Variants in ITM2C observed in about 807,000 individuals in gnomAD.
ITM2C encodes integral membrane protein 2C.
ITM2C carries 20 observed loss-of-function variants against 30.0 expected under a neutral mutation model. The observed-to-expected ratio is 0.67, with a 90% confidence interval of 0.47 to 0.97. The LOEUF (loss-of-function observed/expected upper bound fraction) is 0.97, where lower values mean the gene tolerates loss of function less well. Among genes scored for constraint, ITM2C ranks in the 50% least tolerant of loss-of-function variants. The pLI, the probability that ITM2C is intolerant of heterozygous loss-of-function variation, is 0.00. For missense variants in ITM2C, 366 were observed against 371.9 expected (o/e 0.98, Z 0.13); for synonymous variants, 167 against 156.4 (o/e 1.07, Z -0.51).
chr2:230,867,986 A>G (rs1561325), intron 1 of ITM2C, among the ~76,000 whole-genome samples: 59,642 of 152,054 alleles, frequency 0.39, 13,460 homozygotes, highest in East Asian at 0.84. Flanking sequence ...AGTGATCCGC[A>G]GGAGGAGCAC....
chr2:230,866,014 C>CGG (rs368266327), intron 1 of ITM2C, among the ~76,000 whole-genome samples: 2 of 152,092 alleles, frequency 1.3e-5, no homozygotes, highest in Admixed American at 6.5e-5. Flanking sequence ...TCCCTCTGGC[C>CGG]GGGGGGGAGA....
intron 1 of ITM2C, among the ~76,000 whole-genome samples, chr2:230,869,240 C>A (rs1697105064): frequency 6.6e-6 from 1 of 152,200 alleles, no homozygotes; most frequent in Non-Finnish European, 1.5e-5. Flanking sequence ...ATTCGCCTGG[C>A]CCAGCCAAGC....
intron 1 of ITM2C, among the ~76,000 whole-genome samples, chr2:230,869,469 G>A (rs1270446379): frequency 2.0e-5 from 3 of 151,978 alleles, no homozygotes; most frequent in Non-Finnish European, 4.4e-5. Flanking sequence ...TGGGTGCCCT[G>A]GCCTCTGTGG....
rs200829583 is a variant in ITM2C at position 230,873,468 on chromosome 2, G to A, written c.172G>A (p.Val58Met). ...RSKRGGSVGG[V>M]CYLSMGMVVL... Reference sequence around the variant, plus strand: ...CAAGAGGGGGGGCTCAGTGGGCGGCGTGTGCTACCTGTCGATGGGCATGGT... The same window carrying A: ...CAAGAGGGGGGGCTCAGTGGGCGGCATGTGCTACCTGTCGATGGGCATGGT... Residue 58 changes from valine (V) to methionine (M), a missense_variant, in exon 2 of 6, where the codon GTG (valine) becomes ATG (methionine). Coordinates refer to ENST00000326427, the MANE Select transcript of ITM2C (RefSeq NM_030926.6). The A allele has an allele frequency of 2.0e-5, 32 of 1,609,456 alleles. No individual in the cohort carries two copies. The highest frequency in any genetic ancestry group is 9.0e-5 in the East Asian group (4 of 44,450).
rs1349902934 is a variant in ITM2C at position 230,873,509 on chromosome 2, C to A, written c.213C>A (p.Gly71=). 2 of 1,611,088 alleles carry A rather than the reference C, an allele frequency of 1.2e-6. No homozygotes were observed. The highest frequency in any genetic ancestry group is 2.2e-5 in the South Asian group (2 of 90,372). Residue 71 remains glycine, a synonymous_variant, in exon 2 of 6, where the codon GGC becomes GGA. Coordinates refer to ENST00000326427, the MANE Select transcript of ITM2C (RefSeq NM_030926.6). ...LSMGMVVLLM[G]LVFASVYIYR... The stretch of plus-strand genomic sequence containing the variant: ...TGGGCATGGTCGTGCTGCTCATGGG[C>A]CTCGTGTTCGCCTCTGTCTACATCT...
At chr2:230,871,080 T>C (rs959411451) in intron 1 of ITM2C, among the ~76,000 whole-genome samples, 1 of 152,252 alleles carries the variant, frequency 6.6e-6, no homozygotes, top group Non-Finnish European at 1.5e-5. Context: ...TTAGGTTCTT[T>C]GTCTCGTTTA....
At chr2:230,867,503 T>C (rs1477282525) in intron 1 of ITM2C, among the ~76,000 whole-genome samples, 2 of 152,190 alleles carry the variant, frequency 1.3e-5, no homozygotes, top group Non-Finnish European at 2.9e-5. Context: ...AGGAGGCTGC[T>C]TTCTCAGGGC....
chr2:230,865,268 G>A lies in ITM2C; in HGVS notation c.120+123G>A. Reference sequence around the variant, plus strand: ...GCCCCAGAGCCCGGGGTGGAGCAGGGTTGGGAAGTCTCGAATGGTTGCTTA... The same window carrying A: ...GCCCCAGAGCCCGGGGTGGAGCAGGATTGGGAAGTCTCGAATGGTTGCTTA... On this transcript the variant is annotated intron_variant, in intron 1 of 5. Coordinates refer to ENST00000326427, the MANE Select transcript of ITM2C (RefSeq NM_030926.6). This position sits in a 1 kb window ranked among gnomAD's most constrained non-coding sequence, Gnocchi z 6.8. The A allele has an allele frequency of 9.3e-7, 1 of 1,070,280 alleles. No individual in the cohort carries two copies. Among genetic ancestry groups the A allele is most frequent in the Non-Finnish European group, 1.2e-6 (1 of 826,144 alleles). 66.3% of individuals were successfully genotyped at this position (1,070,280 alleles called of 1,614,324 possible).
chr2:230,865,083 A>T lies in ITM2C; in HGVS notation c.58A>T (p.Lys20Ter). Residue 20 changes from lysine (K) to a stop codon, truncating the protein, a stop_gained, in exon 1 of 6, where the codon AAG (lysine) becomes TAG (stop). Transcript: ENST00000326427. LOFTEE classifies it high-confidence loss of function. This position sits in a 1 kb window ranked among gnomAD's most constrained non-coding sequence, Gnocchi z 6.8. ...TGGCATCAAGGGCGACAAGGCTGACAAGGCGTCGGCGTCGGCCCCTGCGCC... is the reference window on the plus strand; with the variant it reads ...TGGCATCAAGGGCGACAAGGCTGACTAGGCGTCGGCGTCGGCCCCTGCGCC... ...VAGIKGDKAD[K>*]ASASAPAPAS... is the part of the protein sequence containing the mutation. The T allele has an allele frequency of 6.5e-7, 1 of 1,536,962 alleles. No individual in the cohort carries two copies.
chr2:230,864,743 A>G, upstream of ITM2C: 1 of 190,448 alleles, frequency 5.3e-6, no homozygotes. The surrounding 1 kb of genome is among the most constrained non-coding windows in gnomAD (Gnocchi z 4.3). Context: ...CGAGTGAGTG[A>G]CTGTGCGAGC....
chr2:230,867,811 A>G (rs1298200504), intron 1 of ITM2C, among the ~76,000 whole-genome samples: 5 of 152,080 alleles, frequency 3.3e-5, no homozygotes, highest in Non-Finnish European at 5.9e-5. Flanking sequence ...GGCACCTGCC[A>G]CCATGCCCGG....
chr2:230,878,712 G>C lies in ITM2C; in HGVS notation c.*613G>C, dbSNP rs541481234. On this transcript the variant is annotated 3_prime_UTR_variant, in exon 6 of 6. Coordinates refer to ENST00000326427, the MANE Select transcript of ITM2C (RefSeq NM_030926.6). The surrounding 1 kb of genome is among the most constrained non-coding windows in gnomAD (Gnocchi z 4.5). Reference sequence around the variant, plus strand: ...GCAGGAGCTTGGAGTTTGGGGAGTGGGGATGAGTCCGTCAAGCACAACTGT... The same window carrying C: ...GCAGGAGCTTGGAGTTTGGGGAGTGCGGATGAGTCCGTCAAGCACAACTGT... 2 of 152,880 alleles carry C rather than the reference G, an allele frequency of 1.3e-5. No homozygotes were observed. Among genetic ancestry groups the C allele is most frequent in the Non-Finnish European group, 2.9e-5 (2 of 68,294 alleles). The allele number at this position is 152,880 out of a possible 1,614,324, so 9.5% of individuals were successfully genotyped here. A position where few individuals can be genotyped will look rare whatever the true frequency, so the allele number is the denominator to read the frequency against.
At chr2:230,868,988 T>C (rs3111754) in intron 1 of ITM2C, among the ~76,000 whole-genome samples, 67,668 of 152,176 alleles carry the variant, frequency 0.44, 16,649 homozygotes, top group East Asian at 0.84. Context: ...CCCTCATTTC[T>C]GCTCTCTTCT....
intron 2 of ITM2C, among the ~76,000 whole-genome samples, 194 bp downstream of exon 2, chr2:230,873,751 A>C (rs6436977): frequency 0.49 from 74,791 of 152,092 alleles, 19,194 homozygotes; most frequent in East Asian, 0.83. Flanking sequence ...CCAGTCCCAC[A>C]TTTAGCCCCT....
At chr2:230,874,868 C>A (rs1697251999) in intron 2 of ITM2C, among the ~76,000 whole-genome samples, 1 of 152,214 alleles carries the variant, frequency 6.6e-6, no homozygotes, top group Non-Finnish European at 1.5e-5. Flanking sequence ...TGCCTGGCCT[C>A]CCTTACTGAT....
chr2:230,865,112 C>T lies in ITM2C; in HGVS notation c.87C>T (p.Ala29=), dbSNP rs1201815726. 1.3e-6 allele frequency: 2 copies of T among 1,506,238 alleles called. No homozygotes were observed. Among genetic ancestry groups the T allele is most frequent in the Non-Finnish European group, 8.9e-7 (1 of 1,122,054 alleles). The allele number at this position is 1,506,238 out of a possible 1,614,324, so 93.3% of individuals were successfully genotyped here. The change falls in exon 1 of 6, where the codon GCC becomes GCT. Residue 29 remains alanine (A), a synonymous_variant. Transcript: ENST00000326427. The surrounding 1 kb of genome is among the most constrained non-coding windows in gnomAD (Gnocchi z 6.8). ...CGTCGGCGTCGGCCCCTGCGCCGGC[C>T]TCGGCCACCGAGATCCTGCTGACGC... The part of the protein sequence containing the change: ...DKASASAPAP[A]SATEILLTPA...
chr2:230,871,904 G>A (rs1223187212), intron 1 of ITM2C, among the ~76,000 whole-genome samples: 11 of 152,372 alleles, frequency 7.2e-5, no homozygotes, highest in Non-Finnish European at 1.5e-4. Flanking sequence ...GGTGGGAGGT[G>A]AAACCTGAGG....
At position 230,878,093 on chromosome 2, in the gene ITM2C, G is replaced by T; in HGVS notation, c.798G>T (p.Val266=). 6.3e-7 allele frequency: 1 copy of T among 1,584,234 alleles called. No homozygotes were observed. The part of the protein sequence containing the change: ...TFVVETLICG[V]V ...TGGTGGAGACGCTCATCTGCGGGGT[G>T]GTGTGAGGCCCTCCTCCCCCAGAAC... The change falls in exon 6 of 6, where the codon GTG becomes GTT. Residue 266 remains valine (V), a synonymous_variant. Transcript: ENST00000326427. This position sits in a 1 kb window ranked among gnomAD's most constrained non-coding sequence, Gnocchi z 4.5.
rs764945587 is a variant in ITM2C, at chr2:230,877,400, A to T, written c.562A>T (p.Arg188Trp). 4 of 1,613,390 alleles carry T rather than the reference A, an allele frequency of 2.5e-6. No homozygotes were observed. The highest frequency in any genetic ancestry group is 3.4e-6 in the Non-Finnish European group (4 of 1,179,790). ...CTGTGGCGGCCACCTTGTTTTGCAGAGGGGGACCTACCTGCCGCAGACGTA... is the reference window on the plus strand; with the variant it reads ...CTGTGGCGGCCACCTTGTTTTGCAGTGGGGGACCTACCTGCCGCAGACGTA... ...NFWELLMNVK[R>W]GTYLPQTYII... The change falls in exon 5 of 6, where the codon AGG becomes TGG. Residue 188 changes from arginine (R) to tryptophan (W), a missense_variant and splice_region_variant. By Grantham distance (101) the Arg-to-Trp change is moderately radical. Coordinates refer to ENST00000326427, the MANE Select transcript of ITM2C (RefSeq NM_030926.6). The surrounding 1 kb of genome is among the most constrained non-coding windows in gnomAD (Gnocchi z 4.8).
Sources: gnomAD v4.1 joint callset for allele counts (sites outside exome capture counted in the v4.1 genomes callset) on GRCh38, gnomAD v4.1.1 for gene constraint, Gnocchi (gnomAD v3.1) non-coding constraint, MANE v1.5 for transcripts, NCBI Gene and HGNC (gene_info 2026-07-23, HGNC 2026-07-21) for gene names.